ENTPD1: variants seen among roughly 807,000 people sequenced by gnomAD.
ENTPD1 encodes the protein ectonucleoside triphosphate diphosphohydrolase 1, also known as ATP diphosphohydrolase.
A neutral mutation model predicts 57.0 loss-of-function variants in ENTPD1; 33 were observed. The observed-to-expected ratio is 0.58, with a 90% confidence interval of 0.44 to 0.77. The LOEUF (loss-of-function observed/expected upper bound fraction) is 0.77, where lower values mean the gene tolerates loss of function less well. Among genes scored for constraint, ENTPD1 ranks in the 30% least tolerant of loss-of-function variants. ENTPD1 has a pLI of 0.00. For synonymous variants in ENTPD1, 202 were observed against 218.8 expected (o/e 0.92, Z 0.68); for missense variants, 501 against 603.4 (o/e 0.83, Z 1.78).
Position 95,869,543 on chromosome 10 carries a change from C to T in ENTPD1, c.*3160C>T. The T allele has an allele frequency of 1.0e-6, 1 of 985,132 alleles. No homozygotes were observed. The highest frequency in any genetic ancestry group is 1.2e-6 in the Non-Finnish European group (1 of 829,846). The allele number at this position is 985,132 out of a possible 1,614,324, so 61.0% of individuals were successfully genotyped here. ...GGGATTACAGGAGTGAGCCACCATG[C>T]CTGGCCAGAAGTGGTTACTTCTGTA... is the stretch of plus-strand genomic sequence containing the variant. On this transcript the variant is annotated 3_prime_UTR_variant, in exon 10 of 10. Coordinates refer to ENST00000371205, the MANE Select transcript of ENTPD1 (RefSeq NM_001776.6).
Position 95,872,872 on chromosome 10 carries a change from T to C in ENTPD1, c.*6489T>C. The C allele has an allele frequency of 1.0e-6, 1 of 985,456 alleles. No homozygotes were observed. Among genetic ancestry groups the C allele is most frequent in the Non-Finnish European group, 1.2e-6 (1 of 829,934 alleles). 61.0% of individuals were successfully genotyped at this position (985,456 alleles called of 1,614,324 possible). A position where few individuals can be genotyped will look rare whatever the true frequency, so the allele number is the denominator to read the frequency against. On this transcript the variant is annotated 3_prime_UTR_variant, in exon 10 of 10. Coordinates refer to ENST00000371205, the MANE Select transcript of ENTPD1 (RefSeq NM_001776.6). ...TTCCCTGATGAAGCTTTTATTCCCC[T>C]AGCCACATGGAACTTTTCCTTTTTG...
intron 2 of ENTPD1, among the ~76,000 whole-genome samples, chr10:95,826,476 G>A (rs1277312401): frequency 6.6e-6 from 1 of 151,530 alleles, no homozygotes; most frequent in Non-Finnish European, 1.5e-5. Flanking sequence ...AGGAAGCTGA[G>A]GTGCGAGAAT....
chr10:95,750,807 G>A (rs895220380), upstream of ENTPD1, among the ~76,000 whole-genome samples: 2 of 152,034 alleles, frequency 1.3e-5, no homozygotes, highest in East Asian at 3.9e-4. Flanking sequence ...GGCAGATCAC[G>A]AGGTCAGGAG....
At chr10:95,859,504 G>C in intron 7 of ENTPD1, among the ~76,000 whole-genome samples, 1 of 152,236 alleles carries the variant, frequency 6.6e-6, no homozygotes, top group Non-Finnish European at 1.5e-5. Context: ...ACTCAGCACA[G>C]TGTCTAGCAA....
At chr10:95,855,580 G>A (rs953978310) in intron 7 of ENTPD1, among the ~76,000 whole-genome samples, 10 of 152,144 alleles carry the variant, frequency 6.6e-5, no homozygotes, top group African/African-American at 2.2e-4. Flanking sequence ...GGTACCAGTT[G>A]TTCCTTTCCA....
chr10:95,817,173 GTC>G (rs1315159325), intron 1 of ENTPD1, among the ~76,000 whole-genome samples: 2 of 152,126 alleles, frequency 1.3e-5, no homozygotes, highest in Non-Finnish European at 2.9e-5. Flanking sequence ...CCTGATGATG[GTC>G]TCTCAGAAAA....
upstream of ENTPD1, chr10:95,755,802 A>C: frequency 6.6e-7 from 1 of 1,520,306 alleles, no homozygotes. Flanking sequence ...TCATAATTGC[A>C]GTAAGGAATA....
intron 2 of ENTPD1, among the ~76,000 whole-genome samples, chr10:95,838,112 T>G (rs2098414922): frequency 1.3e-5 from 2 of 152,264 alleles, no homozygotes; most frequent in East Asian, 1.9e-4. Flanking sequence ...TCCTTTCGCT[T>G]CCCCATTTAC....
intron 1 of ENTPD1, among the ~76,000 whole-genome samples, chr10:95,730,262 C>G (rs2097987829): frequency 6.6e-6 from 1 of 151,872 alleles, no homozygotes; most frequent in Admixed American, 6.6e-5. Flanking sequence ...GCCATGTTGC[C>G]CAGGCTGTTC....
intron 1 of ENTPD1, among the ~76,000 whole-genome samples, chr10:95,762,499 T>C (rs1392660628): frequency 1.3e-5 from 2 of 152,064 alleles, no homozygotes; most frequent in Non-Finnish European, 2.9e-5. Context: ...AGGCTATATA[T>C]GCAGTTTTAA....
upstream of ENTPD1, chr10:95,754,012 G>T (rs1206175344): frequency 1.4e-5 from 2 of 147,838 alleles, no homozygotes; most frequent in Non-Finnish European, 3.0e-5. Flanking sequence ...AAGAATGTAA[G>T]AACGTAGTAA....
At chr10:95,814,747 TTAAAAAGAGCCAG>T (rs759362235) in intron 1 of ENTPD1, among the ~76,000 whole-genome samples, 1 of 152,140 alleles carries the variant, frequency 6.6e-6, no homozygotes, top group Non-Finnish European at 1.5e-5. Context: ...TAAAATAGCA[TTAAAAAGAGCCAG>T]TAACTTCCTC....
At chr10:95,836,565 T>C (rs1449212962) in intron 2 of ENTPD1, among the ~76,000 whole-genome samples, 1 of 152,166 alleles carries the variant, frequency 6.6e-6, no homozygotes, top group Non-Finnish European at 1.5e-5. Flanking sequence ...TAAATCTTAC[T>C]GCTTTCTTTA....
chr10:95,712,555 T>C (rs927932226), intron 1 of ENTPD1, among the ~76,000 whole-genome samples: 5 of 152,182 alleles, frequency 3.3e-5, no homozygotes, highest in Admixed American at 3.3e-4. Flanking sequence ...TCCAACTATG[T>C]CAAGCTCTCA....
At chr10:95,754,827 A>G (rs1322476143), upstream of ENTPD1, 1 of 152,226 alleles carries the variant, frequency 6.6e-6, no homozygotes, top group East Asian at 1.9e-4. Context: ...ATTAAAGTAT[A>G]AAAAATGTAT....
intron 2 of ENTPD1, among the ~76,000 whole-genome samples, chr10:95,836,922 A>G (rs2098411216): frequency 6.6e-6 from 1 of 152,222 alleles, no homozygotes; most frequent in Non-Finnish European, 1.5e-5. Context: ...TCAAGCAGCA[A>G]ACAATGCCAG....
chr10:95,792,072 A>T (rs1027507091), intron 1 of ENTPD1, among the ~76,000 whole-genome samples: 3 of 129,782 alleles, frequency 2.3e-5, no homozygotes, highest in African/African-American at 9.0e-5. Context: ...TTGCATAGTT[A>T]AAAAAAAACA....
At chr10:95,797,353 G>T (rs974988166) in intron 1 of ENTPD1, among the ~76,000 whole-genome samples, 1 of 152,134 alleles carries the variant, frequency 6.6e-6, no homozygotes, top group Non-Finnish European at 1.5e-5. Flanking sequence ...AAAGGCCTGG[G>T]CTGGAAATAC....
In ENTPD1 at chr10:95,873,301, A is replaced by G. The variant is rs540802068; in HGVS notation, c.*6918A>G. 3 of 985,464 alleles carry G rather than the reference A, an allele frequency of 3.0e-6. No homozygotes were observed. The East Asian group carries it at 3.4e-4, about 112-fold the overall frequency. 61.0% of individuals were successfully genotyped at this position (985,464 alleles called of 1,614,324 possible). ...TCCACAGCAGGCCAGCTAACGTGGT[A>G]TTTACAAAGCTCACTCCTCTTATAC... is the stretch of plus-strand genomic sequence containing the variant. On this transcript the variant is annotated 3_prime_UTR_variant, in exon 10 of 10. Coordinates refer to ENST00000371205, the MANE Select transcript of ENTPD1 (RefSeq NM_001776.6).
Sources: gnomAD v4.1 joint callset for allele counts (sites outside exome capture counted in the v4.1 genomes callset) on GRCh38, gnomAD v4.1.1 for gene constraint, MANE v1.5 for transcripts, NCBI Gene and HGNC (gene_info 2026-07-23, HGNC 2026-07-21) for gene names.